The following ZSCAN5C variants were observed in gnomAD, a reference collection of about 807,000 sequenced individuals.
ZSCAN5C encodes the protein zinc finger and SCAN domain-containing protein 5C.
A neutral mutation model predicts 17.3 loss-of-function variants in ZSCAN5C; 11 were observed. That is an observed-to-expected ratio of 0.64 (90% CI 0.40 to 1.06). The LOEUF (loss-of-function observed/expected upper bound fraction) is 1.06. Among genes scored for constraint, ZSCAN5C ranks in the 50% least tolerant of loss-of-function variants. The pLI, the probability that ZSCAN5C is intolerant of heterozygous loss-of-function variation, is 0.00. For missense variants in ZSCAN5C, 698 were observed against 538.9 expected, an observed-to-expected ratio of 1.30 and a Z score of -2.92; for synonymous variants, 229 against 208.4, an observed-to-expected ratio of 1.10 and a Z score of -0.85.
intron 1 of ZSCAN5C, among the ~76,000 whole-genome samples, chr19:56,203,847 C>T (rs184530728): frequency 2.6e-5 from 4 of 151,584 alleles, no homozygotes; most frequent in Admixed American, 2.6e-4. Flanking sequence ...CGGGGTTTCT[C>T]CATGTTGGTC....
In ZSCAN5C at chr19:56,208,663, T is replaced by C. The variant is rs770611156; in HGVS notation, c.954T>C (p.Pro318=). The change falls in exon 5 of 5, where the codon CCT becomes CCC. Residue 318 remains proline (P), a synonymous_variant. Transcript: ENST00000534327. ...AAGAGCCTCAAGGAGAAGCCACACC[T>C]GTGGGCAACAGAGAATCCCCGGGAC... 2.9e-4 allele frequency: 468 copies of C among 1,612,350 alleles called. 3 individuals are homozygous for C. The highest frequency in any genetic ancestry group is 2.2e-5 in the Non-Finnish European group (26 of 1,178,962).
chr19:56,206,309 C>A lies in ZSCAN5C; in HGVS notation c.384+12C>A, dbSNP rs1330204665. 3 of 1,504,498 alleles carry A rather than the reference C, an allele frequency of 2.0e-6. No homozygotes were observed. The highest frequency in any genetic ancestry group is 8.9e-7 in the Non-Finnish European group (1 of 1,118,038). The allele number at this position is 1,504,498 out of a possible 1,614,324, so 93.2% of individuals were successfully genotyped here. Reference sequence around the variant, plus strand: ...GACCCAAGAAATGGGTGAGTGGGACCCTCGTGATTGGTGCAGGGAAGGGGA... The same window carrying A: ...GACCCAAGAAATGGGTGAGTGGGACACTCGTGATTGGTGCAGGGAAGGGGA... On this transcript the variant is annotated intron_variant, in intron 2 of 4. Transcript: ENST00000534327.
rs1001915333 is a variant in ZSCAN5C at position 56,205,893 on chromosome 19, T to C, written c.-21T>C. ...CTGGAAGAGCTTTCCCAGAGACAGA[T>C]TGAAATATTCCCCAGTAGACATGGC... On this transcript the variant is annotated 5_prime_UTR_variant, in exon 2 of 5. Coordinates refer to ENST00000534327, the Ensembl canonical transcript of ZSCAN5C. 5.2e-5 allele frequency: 51 copies of C among 988,014 alleles called. 1 individual carries two copies. The Admixed American group carries it at 5.6e-4, about 11-fold the overall frequency. The allele number at this position is 988,014 out of a possible 1,614,324, so 61.2% of individuals were successfully genotyped here. A position where few individuals can be genotyped will look rare whatever the true frequency, so the allele number is the denominator to read the frequency against.
intron 1 of ZSCAN5C, among the ~76,000 whole-genome samples, chr19:56,204,386 G>A (rs992832460): frequency 5.9e-5 from 9 of 151,398 alleles, no homozygotes; most frequent in Non-Finnish European, 1.2e-4. Context: ...CGTTCCATGT[G>A]TCTTTTTGGG....
intron 4 of ZSCAN5C, 57 bp from the exon 5 acceptor site, chr19:56,208,392 G>A: frequency 2.8e-6 from 3 of 1,085,926 alleles, no homozygotes; most frequent in Non-Finnish European, 4.1e-6. Context: ...GTTGCAATGA[G>A]TTTGGTGTAT....
chr19:56,207,710 A>C, intron 3 of ZSCAN5C, among the ~76,000 whole-genome samples: 1 of 151,580 alleles, frequency 6.6e-6, no homozygotes, highest in Non-Finnish European at 1.5e-5. Flanking sequence ...TTGTCATTGT[A>C]GGGGGTGGTG....
At chr19:56,206,031 C>T in exon 2 of ZSCAN5C, 1 of 1,613,230 alleles carries the variant, frequency 6.2e-7, no homozygotes, top group African/African-American at 1.3e-5. Context: ...TGACAGTGAT[C>T]CTGAGACTTG....
exon 2 of ZSCAN5C, chr19:56,205,943 T>C: frequency 3.1e-6 from 4 of 1,307,668 alleles, no homozygotes; most frequent in Non-Finnish European, 4.4e-6. Context: ...CCTCATGGAG[T>C]CTAGGAGAAT....
Position 56,207,062 on chromosome 19 carries a change from GT to G in ZSCAN5C, c.389del (p.Val130GlufsTer40). 1.4e-6 allele frequency: 1 copy of G among 718,056 alleles called. No homozygotes were observed. The highest frequency in any genetic ancestry group is 2.6e-6 in the Non-Finnish European group (1 of 391,324). The allele number at this position is 718,056 out of a possible 1,614,324, so 44.5% of individuals were successfully genotyped here. A position where few individuals can be genotyped will look rare whatever the true frequency, so the allele number is the denominator to read the frequency against. On this transcript the variant is annotated frameshift_variant, in exon 3 of 5. Transcript: ENST00000534327. LOFTEE classifies it high-confidence loss of function. ...ATTGCTTTTTTTCTCTCTATAGTCT[GT>G]AGTCAGTTTTCTTGGCAAGGAATAT...
At chr19:56,206,862 A>G (rs1195216897) in intron 2 of ZSCAN5C, among the ~76,000 whole-genome samples, 197 bp from the exon 3 acceptor site, 1 of 151,690 alleles carries the variant, frequency 6.6e-6, no homozygotes, top group Non-Finnish European at 1.5e-5. Flanking sequence ...TGGTTTAGAG[A>G]CCCTTTCATC....
chr19:56,209,097 C>T, exon 5 of ZSCAN5C: 1 of 1,587,492 alleles, frequency 6.3e-7, no homozygotes, highest in Non-Finnish European at 8.6e-7. Context: ...CGCATCCACT[C>T]TGGAGAGAAA....
intron 1 of ZSCAN5C, among the ~76,000 whole-genome samples, chr19:56,203,629 G>A (rs1210079052): frequency 1.4e-5 from 2 of 147,380 alleles, no homozygotes; most frequent in South Asian, 2.2e-4. Context: ...GCTACTATGA[G>A]TCTACTGGGA....
chr19:56,203,972 T>C (rs2032896463), intron 1 of ZSCAN5C, among the ~76,000 whole-genome samples: 2 of 151,904 alleles, frequency 1.3e-5, no homozygotes, highest in African/African-American at 4.9e-5. Flanking sequence ...TTTTTAATTA[T>C]TGTTTACATT....
chr19:56,206,042 T>C, exon 2 of ZSCAN5C: 1 of 1,613,414 alleles, frequency 6.2e-7, no homozygotes, highest in Non-Finnish European at 8.5e-7. Context: ...CTGAGACTTG[T>C]CACGTGAACT....
chr19:56,208,766 C>A (rs774710001), exon 5 of ZSCAN5C: 1 of 1,601,882 alleles, frequency 6.2e-7, no homozygotes, highest in Admixed American at 1.7e-5. Flanking sequence ...AGTCAAGGAA[C>A]TGCTGCCCTT....
intron 1 of ZSCAN5C, 75 bp downstream of exon 1, chr19:56,202,397 G>A (rs1295160115): frequency 6.7e-6 from 1 of 149,750 alleles, no homozygotes; most frequent in Admixed American, 6.6e-5. Flanking sequence ...GATTTGGATT[G>A]AGGGGTTGGT....
chr19:56,209,408 T>C (rs1192307611), downstream of ZSCAN5C: 1 of 493,260 alleles, frequency 2.0e-6, no homozygotes, highest in Non-Finnish European at 3.5e-6. Context: ...TAGGTTTATT[T>C]TGGTTTGTGT....
At chr19:56,207,069 G>A (rs994867231) in exon 3 of ZSCAN5C, 4 of 723,252 alleles carry the variant, frequency 5.5e-6, no homozygotes, top group South Asian at 1.5e-5. Flanking sequence ...TCTGTAGTCA[G>A]TTTTCTTGGC....
Position 56,209,029 on chromosome 19 carries a change from CG to C in ZSCAN5C, c.1321del (p.Glu441AsnfsTer15). ...GAAGCCACACAGGGGAGAAGCCCTT[CG>C]AATGTAAAGACTGCAAGAAAGTTTT... On this transcript the variant is annotated frameshift_variant, in exon 5 of 5. Coordinates refer to ENST00000534327, the Ensembl canonical transcript of ZSCAN5C. LOFTEE classifies it low-confidence loss of function (END_TRUNC). 1 of 1,612,272 alleles carries C rather than the reference CG, an allele frequency of 6.2e-7. No homozygotes were observed.
Sources: allele counts gnomAD v4.1 joint callset (sites outside exome capture counted in the v4.1 genomes callset), GRCh38; gene constraint gnomAD v4.1.1; transcripts MANE v1.5; gene names NCBI Gene and HGNC (gene_info 2026-07-23, HGNC 2026-07-21).